Variants in CSPP1 observed in about 807,000 individuals in gnomAD.
CSPP1 encodes the protein centrosome and spindle pole associated protein 1.
CSPP1 carries 126 observed loss-of-function variants against 164.4 expected under a neutral mutation model. That is an observed-to-expected ratio of 0.77 (90% CI 0.66 to 0.89). The LOEUF (loss-of-function observed/expected upper bound fraction) is 0.89, where lower values mean the gene tolerates loss of function less well. Ranked by LOEUF, CSPP1 falls within the 40% of genes least tolerant of loss-of-function variation. CSPP1 has a pLI of 0.00. For synonymous variants in CSPP1, 472 were observed against 476.7 expected, an observed-to-expected ratio of 0.99 and a Z score of 0.13; for missense variants, 1,395 against 1,449.8, an observed-to-expected ratio of 0.96 and a Z score of 0.61.
At chr8:67,097,905 T>G (rs1307018623) in intron 7 of CSPP1, among the ~76,000 whole-genome samples, 1 of 151,888 alleles carries the variant, frequency 6.6e-6, no homozygotes, top group African/African-American at 2.4e-5. Flanking sequence ...TACTTTAAAG[T>G]GTTTCTTCAA....
chr8:67,129,697 C>A (rs1554588055), intron 15 of CSPP1, among the ~76,000 whole-genome samples: 2 of 152,080 alleles, frequency 1.3e-5, no homozygotes, highest in Non-Finnish European at 1.5e-5. Flanking sequence ...TAATGAACTA[C>A]TGATATGATA....
chr8:67,181,651 A>T (rs902922643), intron 28 of CSPP1, among the ~76,000 whole-genome samples: 11 of 152,186 alleles, frequency 7.2e-5, no homozygotes, highest in Non-Finnish European at 1.2e-4. Context: ...GCATTATTTT[A>T]AAAAATAGGG....
At chr8:67,193,075 T>A (rs1301706962) in intron 29 of CSPP1, among the ~76,000 whole-genome samples, 1 of 152,222 alleles carries the variant, frequency 6.6e-6, no homozygotes, top group Non-Finnish European at 1.5e-5. Context: ...TTTATTTTGT[T>A]CATCACAGTG....
intron 3 of CSPP1, among the ~76,000 whole-genome samples, chr8:67,079,503 G>A (rs1363762497): frequency 6.6e-6 from 1 of 152,072 alleles, no homozygotes; most frequent in Non-Finnish European, 1.5e-5. Flanking sequence ...TTTCTTTTAT[G>A]AGGCCTCTGT....
chr8:67,136,301 GTGGCTCACGCCT>G (rs1822249175), intron 16 of CSPP1, among the ~76,000 whole-genome samples: 1 of 152,052 alleles, frequency 6.6e-6, no homozygotes, highest in Admixed American at 6.6e-5. Flanking sequence ...GCCAGGCGTG[GTGGCTCACGCCT>G]GTAATCCCAG....
At position 67,117,274 on chromosome 8, in the gene CSPP1, A is replaced by G. The variant is rs149000151; in HGVS notation, c.1497-974A>G. Among the ~76,000 whole-genome samples the G allele has an allele frequency of 5.3e-5, 8 of 152,346 alleles. No individual in the cohort carries two copies. In the East Asian group the frequency reaches 1.5e-3, roughly 29 times the overall value. On this transcript the variant is annotated intron_variant, in intron 13 of 30. Coordinates refer to ENST00000678616, the MANE Select transcript of CSPP1 (RefSeq NM_001382391.1). ...TGTGAGGATGGTATAAGGTTTAGAC[A>G]CATTGAGTGGCTAGTAAATGTGAAA...
chr8:67,075,362 C>T (rs766416597), intron 2 of CSPP1, among the ~76,000 whole-genome samples: 1 of 152,066 alleles, frequency 6.6e-6, no homozygotes, highest in Non-Finnish European at 1.5e-5. Context: ...ACCTGTTGTC[C>T]AGTGTTTTTT....
At chr8:67,124,677 A>T (rs946697859) in intron 15 of CSPP1, among the ~76,000 whole-genome samples, 4 of 151,352 alleles carry the variant, frequency 2.6e-5, no homozygotes, top group Admixed American at 1.3e-4. Context: ...AATTAAAAAA[A>T]TTTTTTGTTT....
chr8:67,148,037 G>GC (rs1036055301), intron 17 of CSPP1, among the ~76,000 whole-genome samples: 1 of 147,652 alleles, frequency 6.8e-6, no homozygotes, highest in Non-Finnish European at 1.5e-5. Context: ...TCCCACCTCA[G>GC]CCCCCCAAGT....
intron 3 of CSPP1, chr8:67,083,548 A>AAAAAAAAAAAAAAATATAT (rs1332248754): frequency 1.1e-5 from 1 of 91,484 alleles, no homozygotes; most frequent in African/African-American, 4.4e-5. Flanking sequence ...AAAAAAAAAA[A>AAAAAAAAAAAAAAATATAT]ATATATATAT....
At chr8:67,117,457 C>T (rs1465832051) in intron 13 of CSPP1, among the ~76,000 whole-genome samples, 2 of 152,120 alleles carry the variant, frequency 1.3e-5, no homozygotes, top group Non-Finnish European at 2.9e-5. Context: ...TTGCCTTTGC[C>T]ATTTTTACTA....
intron 24 of CSPP1, among the ~76,000 whole-genome samples, chr8:67,166,777 G>T (rs927889169): frequency 6.6e-6 from 1 of 151,688 alleles, no homozygotes; most frequent in African/African-American, 2.4e-5. Context: ...CGCAGAGGGG[G>T]ATTTTGTAGG....
intron 9 of CSPP1, among the ~76,000 whole-genome samples, chr8:67,109,118 G>A (rs1194312064): frequency 6.6e-6 from 1 of 152,194 alleles, no homozygotes; most frequent in African/African-American, 2.4e-5. Flanking sequence ...GTCTCAAAAG[G>A]CTATAATCAA....
intron 15 of CSPP1, 46 bp downstream of exon 15, chr8:67,118,867 G>A: frequency 3.1e-6 from 4 of 1,302,176 alleles, no homozygotes; most frequent in Non-Finnish European, 4.4e-6. Flanking sequence ...CTTTTATTTT[G>A]TTAAGATACA....
chr8:67,159,551 C>T (rs1233124416), intron 21 of CSPP1, among the ~76,000 whole-genome samples: 13 of 109,950 alleles, frequency 1.2e-4, no homozygotes, highest in African/African-American at 4.1e-4. Context: ...GACATAATCT[C>T]GCTCTGTTGC....
At chr8:67,082,804 C>A (rs1426107676) in intron 3 of CSPP1, among the ~76,000 whole-genome samples, 2 of 152,128 alleles carry the variant, frequency 1.3e-5, no homozygotes, top group Non-Finnish European at 2.9e-5. Flanking sequence ...TGTTAACTAT[C>A]TTAGGGTCAT....
chr8:67,101,348 A>G (rs1220420698), intron 7 of CSPP1, among the ~76,000 whole-genome samples: 1 of 152,200 alleles, frequency 6.6e-6, no homozygotes, highest in Non-Finnish European at 1.5e-5. Flanking sequence ...CCCAAAATCT[A>G]TATTCCCAGG....
At chr8:67,150,352 G>A (rs1045830688) in intron 18 of CSPP1, among the ~76,000 whole-genome samples, 2 of 151,852 alleles carry the variant, frequency 1.3e-5, no homozygotes, top group African/African-American at 2.4e-5. Context: ...ACTTGTTTTA[G>A]TAATCATTTA....
At chr8:67,133,481 A>G (rs1438882820) in intron 16 of CSPP1, 1 of 152,212 alleles carries the variant, frequency 6.6e-6, no homozygotes, top group Non-Finnish European at 1.5e-5. Flanking sequence ...AAGGTGCAAC[A>G]TGTCTTAAAC....
Sources: gnomAD v4.1 joint callset for allele counts (sites outside exome capture counted in the v4.1 genomes callset) on GRCh38, gnomAD v4.1.1 for gene constraint, MANE v1.5 for transcripts, NCBI Gene and HGNC (gene_info 2026-07-23, HGNC 2026-07-21) for gene names.